The following KYNU variants were observed in gnomAD, a reference collection of about 807,000 sequenced individuals.
KYNU encodes the protein L-kynurenine hydrolase.
KYNU carries 54 observed loss-of-function variants against 59.2 expected under a neutral mutation model. The ratio of observed to expected loss-of-function variants is 0.91; its 90% CI spans 0.73 to 1.14. The LOEUF is 1.14. Ranked by LOEUF, KYNU falls within the 50% of genes most tolerant of loss-of-function variation. The pLI, the probability that KYNU is intolerant of heterozygous loss-of-function variation, is 0.00. For synonymous variants in KYNU, 177 were observed against 192.0 expected (o/e 0.92, Z 0.65); for missense variants, 567 against 554.4 (o/e 1.02, Z -0.23).
intron 2 of KYNU, among the ~76,000 whole-genome samples, chr2:142,893,297 G>A (rs1681769594): frequency 6.6e-6 from 1 of 152,214 alleles, no homozygotes; most frequent in African/African-American, 2.4e-5. Flanking sequence ...GAAAGAGCCA[G>A]AGACACAGAA....
At chr2:142,880,791 T>A (rs1681268899) in intron 1 of KYNU, among the ~76,000 whole-genome samples, 1 of 152,170 alleles carries the variant, frequency 6.6e-6, no homozygotes, top group Non-Finnish European at 1.5e-5. Context: ...GACCAGGCAA[T>A]TGATAATGCC....
chr2:143,047,630 T>G lies in KYNU; in HGVS notation c.*5458T>G, dbSNP rs960078918. The G allele has an allele frequency of 3.9e-5, 6 of 152,002 alleles. No individual in the cohort carries two copies. Among genetic ancestry groups the G allele is most frequent in the South Asian group, 2.1e-4 (1 of 4,832 alleles). 9.4% of individuals were successfully genotyped at this position (152,002 alleles called of 1,614,324 possible). A position where few individuals can be genotyped will look rare whatever the true frequency, so the allele number is the denominator to read the frequency against. ...GCAGTGGCACATGATCATAGCTCACTGCAACCTCCAACTCAAACACTTGAG... is the reference window on the plus strand; with the variant it reads ...GCAGTGGCACATGATCATAGCTCACGGCAACCTCCAACTCAAACACTTGAG... On this transcript the variant is annotated 3_prime_UTR_variant, in exon 14 of 14. Transcript: ENST00000264170.
intron 2 of KYNU, among the ~76,000 whole-genome samples, chr2:142,904,692 G>T (rs1280181524): frequency 6.6e-6 from 1 of 152,164 alleles, no homozygotes. Flanking sequence ...TACATTTTAG[G>T]GGTGTTTTTG....
intron 7 of KYNU, 105 bp from the exon 8 acceptor site, chr2:142,960,519 C>A: frequency 1.3e-5 from 12 of 953,556 alleles, no homozygotes; most frequent in East Asian, 8.1e-5. Flanking sequence ...AAAAAAAAAA[C>A]TATTTTATAA....
chr2:142,988,261 T>C (rs1356410380), intron 10 of KYNU, among the ~76,000 whole-genome samples: 1 of 151,974 alleles, frequency 6.6e-6, no homozygotes, highest in Admixed American at 6.6e-5. Context: ...AAGTACTTCG[T>C]TGACTCACTG....
intron 10 of KYNU, among the ~76,000 whole-genome samples, chr2:143,014,266 C>T (rs1282282548): frequency 1.3e-5 from 2 of 152,208 alleles, no homozygotes; most frequent in Non-Finnish European, 2.9e-5. Context: ...TCTCAACCCT[C>T]CCAGCCTCAT....
At chr2:142,885,015 G>T (rs1434070838) in intron 1 of KYNU, among the ~76,000 whole-genome samples, 5 of 133,918 alleles carry the variant, frequency 3.7e-5, no homozygotes, top group African/African-American at 1.4e-4. Context: ...GAGGTGGGCG[G>T]ATCACTTGAG....
chr2:142,886,784 A>T (rs866088955), intron 2 of KYNU, among the ~76,000 whole-genome samples: 1 of 152,238 alleles, frequency 6.6e-6, no homozygotes, highest in South Asian at 2.1e-4. Flanking sequence ...GAGGACCCAC[A>T]TGAGACAAGT....
At chr2:142,920,026 C>T (rs1297738840) in intron 3 of KYNU, among the ~76,000 whole-genome samples, 1 of 152,118 alleles carries the variant, frequency 6.6e-6, no homozygotes, top group Non-Finnish European at 1.5e-5. Flanking sequence ...GAGTGGAGAT[C>T]ACCACTGTAC....
intron 10 of KYNU, among the ~76,000 whole-genome samples, chr2:142,998,824 C>G (rs1685621044): frequency 6.6e-6 from 1 of 151,796 alleles, no homozygotes; most frequent in Non-Finnish European, 1.5e-5. Flanking sequence ...CTGGCCAACA[C>G]AGTGAAATCC....
chr2:143,043,545 C>T lies in KYNU; in HGVS notation c.*1373C>T, dbSNP rs1412838325. The T allele has an allele frequency of 6.6e-6, 1 of 151,640 alleles. No homozygotes were observed. Among genetic ancestry groups the T allele is most frequent in the Non-Finnish European group, 1.5e-5 (1 of 67,894 alleles). 9.4% of individuals were successfully genotyped at this position (151,640 alleles called of 1,614,324 possible). On this transcript the variant is annotated 3_prime_UTR_variant, in exon 14 of 14. Coordinates refer to ENST00000264170, the MANE Select transcript of KYNU (RefSeq NM_003937.3). ...CAACACCTACCAATACCAGTAACTA[C>T]TGATATTTATCATGTACTTACCATG...
intron 4 of KYNU, among the ~76,000 whole-genome samples, chr2:142,948,902 C>T (rs1683888990): frequency 6.6e-6 from 1 of 152,204 alleles, no homozygotes; most frequent in Non-Finnish European, 1.5e-5. Context: ...CAAGGAAGGT[C>T]CCTTCTGCCT....
intron 10 of KYNU, among the ~76,000 whole-genome samples, chr2:143,015,730 A>G (rs556831485): frequency 4.6e-5 from 7 of 152,196 alleles, no homozygotes; most frequent in Non-Finnish European, 1.0e-4. Flanking sequence ...TTGTGAGCGT[A>G]TAAATGAGAC....
chr2:142,877,875 T>C (rs1033525681), intron 1 of KYNU, 139 bp downstream of exon 1: 7 of 152,168 alleles, frequency 4.6e-5, no homozygotes, highest in African/African-American at 7.2e-5. Flanking sequence ...TTTTTATATA[T>C]ATTCTTTTTG....
intron 10 of KYNU, among the ~76,000 whole-genome samples, chr2:142,993,373 A>G (rs1047198008): frequency 3.3e-5 from 5 of 151,922 alleles, no homozygotes; most frequent in African/African-American, 1.2e-4. Flanking sequence ...TATTTTAGCC[A>G]TTATAAACAG....
At chr2:142,979,984 T>C (rs1186773251) in intron 8 of KYNU, among the ~76,000 whole-genome samples, 1 of 152,146 alleles carries the variant, frequency 6.6e-6, no homozygotes, top group Non-Finnish European at 1.5e-5. Flanking sequence ...CGAGGACTGC[T>C]GGTTGCCCAT....
At chr2:142,982,096 AATTT>A (rs1398863919) in intron 8 of KYNU, among the ~76,000 whole-genome samples, 3 of 152,132 alleles carry the variant, frequency 2.0e-5, no homozygotes, top group South Asian at 2.1e-4. Context: ...ACACTTCTAA[AATTT>A]ATTTAAGTAT....
intron 4 of KYNU, among the ~76,000 whole-genome samples, chr2:142,928,696 G>A (rs1573800894): frequency 6.6e-6 from 1 of 151,842 alleles, no homozygotes; most frequent in African/African-American, 2.4e-5. Context: ...CATGACTTGT[G>A]GGAGCTCTGA....
Position 142,918,593 on chromosome 2 carries a change from A to G in KYNU, c.170-16A>G. On this transcript the variant is annotated splice_polypyrimidine_tract_variant and intron_variant, in intron 2 of 13. Coordinates refer to ENST00000264170, the MANE Select transcript of KYNU (RefSeq NM_003937.3). The stretch of plus-strand genomic sequence containing the variant: ...TTTTATTTTTTTTTTTTTTTTTGAC[A>G]TTTCTTCTGTTTCAGTTGATTTATC... 6.8e-7 allele frequency: 1 copy of G among 1,460,090 alleles called. No homozygotes were observed. Among genetic ancestry groups the G allele is most frequent in the Non-Finnish European group, 9.1e-7 (1 of 1,100,528 alleles). The allele number at this position is 1,460,090 out of a possible 1,614,324, so 90.4% of individuals were successfully genotyped here. A position where few individuals can be genotyped will look rare whatever the true frequency, so the allele number is the denominator to read the frequency against.
Sources: gnomAD v4.1 joint callset for allele counts (sites outside exome capture counted in the v4.1 genomes callset) on GRCh38, gnomAD v4.1.1 for gene constraint, MANE v1.5 for transcripts, NCBI Gene and HGNC (gene_info 2026-07-23, HGNC 2026-07-21) for gene names.